PLEKHA5: variants seen among roughly 807,000 people sequenced by gnomAD.
PLEKHA5 encodes pleckstrin homology domain containing A5.
A neutral mutation model predicts 181.9 loss-of-function variants in PLEKHA5; 55 were observed. That is an observed-to-expected ratio of 0.30 (90% confidence interval 0.24 to 0.38). The LOEUF (loss-of-function observed/expected upper bound fraction) is 0.38, where lower values mean the gene tolerates loss of function less well. Ranked by LOEUF, PLEKHA5 falls within the 10% of genes least tolerant of loss-of-function variation. PLEKHA5 has a pLI of 1.00. For missense variants in PLEKHA5, 1,432 were observed against 1,549.5 expected (o/e 0.92, Z 1.27); for synonymous variants, 535 against 529.4 (o/e 1.01, Z -0.15).
intron 3 of PLEKHA5, chr12:19,201,342 G>C (rs374482642): frequency 6.6e-6 from 1 of 152,070 alleles, no homozygotes; most frequent in African/African-American, 2.4e-5. Context: ...TCAGTATCAA[G>C]TATTGCGGAG....
intron 3 of PLEKHA5, among the ~76,000 whole-genome samples, chr12:19,203,969 A>T (rs1027627657): frequency 2.0e-5 from 3 of 152,046 alleles, no homozygotes; most frequent in African/African-American, 7.2e-5. Context: ...CCATACATAC[A>T]GTACTTAGAG....
chr12:19,242,841 T>C (rs2062924070), intron 3 of PLEKHA5, among the ~76,000 whole-genome samples: 1 of 152,230 alleles, frequency 6.6e-6, no homozygotes, highest in Non-Finnish European at 1.5e-5. Context: ...TTTATAATTG[T>C]TATTATTTGT....
intron 3 of PLEKHA5, among the ~76,000 whole-genome samples, chr12:19,141,714 T>C (rs1354114185): frequency 6.6e-6 from 1 of 152,128 alleles, no homozygotes; most frequent in Non-Finnish European, 1.5e-5. Context: ...CAGTCCTAGA[T>C]TGGCTGTCCT....
chr12:19,173,514 G>A lies in PLEKHA5; in HGVS notation c.227+41064G>A, dbSNP rs76903348. Among the ~76,000 whole-genome samples the A allele has an allele frequency of 8.8e-3, 1,344 of 152,122 alleles. 5 individuals carry two copies. The highest frequency in any genetic ancestry group is 0.034 in the Middle Eastern group (10 of 294). ...GCCAGACACAGTTGAGTGTGGGGAC[G>A]AAACCAGTGCTAGCTGGGAGCAGTG... On this transcript the variant is annotated intron_variant, in intron 3 of 31. Transcript: ENST00000429027.
intron 15 of PLEKHA5, among the ~76,000 whole-genome samples, chr12:19,295,565 A>AT (rs147480464): frequency 6.6e-6 from 1 of 151,712 alleles, no homozygotes; most frequent in African/African-American, 2.4e-5. Context: ...TTTGAAAAAA[A>AT]TTTTTTTTCT....
chr12:19,188,163 C>T (rs1252764253), intron 3 of PLEKHA5, among the ~76,000 whole-genome samples: 1 of 152,148 alleles, frequency 6.6e-6, no homozygotes, highest in African/African-American at 2.4e-5. Flanking sequence ...TTGAACATTA[C>T]TAGGTTGTCA....
intron 16 of PLEKHA5, among the ~76,000 whole-genome samples, chr12:19,317,248 T>G (rs1250224631): frequency 6.6e-6 from 1 of 152,126 alleles, no homozygotes; most frequent in Non-Finnish European, 1.5e-5. Context: ...ACACCTATAG[T>G]CCTAGCTACT....
rs1192696162 is a variant in PLEKHA5 at position 19,345,894 on chromosome 12, TTTGGA to T, written c.2709+10_2709+14del. 1 of 1,386,660 alleles carries T rather than the reference TTTGGA, an allele frequency of 7.2e-7. No homozygotes were observed. Among genetic ancestry groups the T allele is most frequent in the Non-Finnish European group, 1.0e-6 (1 of 981,654 alleles). The allele number at this position is 1,386,660 out of a possible 1,614,324, so 85.9% of individuals were successfully genotyped here. On this transcript the variant is annotated splice_region_variant and intron_variant, in intron 23 of 31. Coordinates refer to ENST00000429027, the MANE Select transcript of PLEKHA5 (RefSeq NM_001256470.2). ...CAGTTAAGTACAAAAATGAGGTAAGTTTGGATTGTTTTTCTAATTATAAATTACTT... is the reference window on the plus strand; with the variant it reads ...CAGTTAAGTACAAAAATGAGGTAAGTTTGTTTTTCTAATTATAAATTACTT...
chr12:19,264,096 A>G (rs997178968), intron 7 of PLEKHA5, among the ~76,000 whole-genome samples: 2 of 152,182 alleles, frequency 1.3e-5, no homozygotes, highest in Non-Finnish European at 2.9e-5. Flanking sequence ...TTGATTTTAT[A>G]TAATAATGGC....
intron 22 of PLEKHA5, among the ~76,000 whole-genome samples, chr12:19,344,992 C>T (rs1038438622): frequency 2.0e-5 from 3 of 150,416 alleles, no homozygotes; most frequent in Non-Finnish European, 3.0e-5. Flanking sequence ...TGTGGTGGTA[C>T]GCACCTGTGG....
chr12:19,149,124 C>G (rs1396915615), intron 3 of PLEKHA5, among the ~76,000 whole-genome samples: 1 of 152,102 alleles, frequency 6.6e-6, no homozygotes, highest in East Asian at 1.9e-4. Flanking sequence ...TTCAGTTCCT[C>G]AAAAACATTA....
At chr12:19,165,540 T>G (rs2044145364) in intron 3 of PLEKHA5, among the ~76,000 whole-genome samples, 1 of 151,966 alleles carries the variant, frequency 6.6e-6, no homozygotes, top group African/African-American at 2.4e-5. Flanking sequence ...ATTTTACAGG[T>G]TTTTAGAGAG....
At chr12:19,317,629 T>C (rs1315938621) in intron 16 of PLEKHA5, among the ~76,000 whole-genome samples, 1 of 152,016 alleles carries the variant, frequency 6.6e-6, no homozygotes, top group Non-Finnish European at 1.5e-5. Context: ...CTAAAATATA[T>C]ATAGTCCACA....
intron 3 of PLEKHA5, among the ~76,000 whole-genome samples, chr12:19,231,097 A>T (rs889144827): frequency 3.3e-5 from 5 of 152,120 alleles, no homozygotes; most frequent in Non-Finnish European, 5.9e-5. Flanking sequence ...CCTTCCCTAC[A>T]AAAGGGTAAA....
In PLEKHA5 at chr12:19,200,357, A is replaced by G. The variant is rs112704195; in HGVS notation, c.228-53583A>G. 5.9e-6 allele frequency: 9 copies of G among 1,529,490 alleles called. No individual in the cohort carries two copies. In the African/African-American group the frequency reaches 6.9e-5, roughly 12 times the overall value. The allele number at this position is 1,529,490 out of a possible 1,614,324, so 94.7% of individuals were successfully genotyped here. A position where few individuals can be genotyped will look rare whatever the true frequency, so the allele number is the denominator to read the frequency against. On this transcript the variant is annotated intron_variant, in intron 3 of 31. Coordinates refer to ENST00000429027, the MANE Select transcript of PLEKHA5 (RefSeq NM_001256470.2). ...GATTTCCTTTTCATTCTTCCTGGGAATAGAAGATGTAATGGAAGTTCCAGT... is the reference window on the plus strand; with the variant it reads ...GATTTCCTTTTCATTCTTCCTGGGAGTAGAAGATGTAATGGAAGTTCCAGT...
chr12:19,306,484 C>T (rs1467137928), intron 15 of PLEKHA5: 1 of 686,666 alleles, frequency 1.5e-6, no homozygotes, highest in African/African-American at 1.8e-5. Context: ...GGTTCCTCTT[C>T]CCCCTCCTTG....
intron 3 of PLEKHA5, among the ~76,000 whole-genome samples, chr12:19,239,798 G>A (rs1377980886): frequency 6.6e-6 from 1 of 152,110 alleles, no homozygotes; most frequent in Non-Finnish European, 1.5e-5. Context: ...AATTCAAATG[G>A]TAGCCACTTC....
chr12:19,225,411 C>A (rs1245130077), intron 3 of PLEKHA5, among the ~76,000 whole-genome samples: 3 of 152,120 alleles, frequency 2.0e-5, no homozygotes, highest in Non-Finnish European at 4.4e-5. Flanking sequence ...TGAAAATTTG[C>A]AAACAAGTAA....
rs971560970 is a variant in PLEKHA5 at position 19,269,702 on chromosome 12, C to G, written c.712-68C>G. On this transcript the variant is annotated intron_variant, in intron 8 of 31. Transcript: ENST00000429027. ...AACGTTCTATGTCAGGAATCACTTA[C>G]CTTTTTTTCTTTTTCTTTTACAGAA... 8 of 745,308 alleles carry G rather than the reference C, an allele frequency of 1.1e-5. No individual in the cohort carries two copies. The African/African-American group carries it at 1.4e-4, about 13-fold the overall frequency. 46.2% of individuals were successfully genotyped at this position (745,308 alleles called of 1,614,324 possible).
Sources: allele counts gnomAD v4.1 joint callset (sites outside exome capture counted in the v4.1 genomes callset), GRCh38; gene constraint gnomAD v4.1.1; transcripts MANE v1.5; gene names NCBI Gene and HGNC (gene_info 2026-07-23, HGNC 2026-07-21).